JARID2: variants seen among roughly 807,000 people sequenced by gnomAD.
JARID2 encodes jumonji and AT-rich interaction domain containing 2, also known as protein Jumonji.
Under a neutral mutation model 125.6 loss-of-function variants are expected in JARID2, and 21 were observed. The observed-to-expected ratio is 0.17, with a 90% CI of 0.12 to 0.24. The LOEUF is 0.24. Among genes scored for constraint, JARID2 ranks in the 10% least tolerant of loss-of-function variants. JARID2 has a pLI of 1.00. For synonymous variants in JARID2, 736 were observed against 661.6 expected, an observed-to-expected ratio of 1.11 and a Z score of -1.73; for missense variants, 1,303 against 1,639.6, an observed-to-expected ratio of 0.79 and a Z score of 3.55.
Position 15,377,465 on chromosome 6 carries a change from C to T in JARID2, c.181+3213C>T, listed in dbSNP as rs114559231. Reference sequence around the variant, plus strand: ...GGGACACAGCCAAACCATATCACAGCGGATTGACTATAATGGTGGTGGTTT... The same window carrying T: ...GGGACACAGCCAAACCATATCACAGTGGATTGACTATAATGGTGGTGGTTT... On this transcript the variant is annotated intron_variant, in intron 2 of 17. Transcript: ENST00000341776. Among the ~76,000 whole-genome samples, 1,143 of 152,162 alleles carry T rather than the reference C, an allele frequency of 7.5e-3. 15 individuals are homozygous for T. The highest frequency in any genetic ancestry group is 0.026 in the African/African-American group (1,083 of 41,510).
chr6:15,391,754 G>GCA (rs1765018713), intron 2 of JARID2, among the ~76,000 whole-genome samples: 1 of 152,192 alleles, frequency 6.6e-6, no homozygotes, highest in Non-Finnish European at 1.5e-5. Context: ...GTGTCTAGGA[G>GCA]CAAGGCATGC....
intron 4 of JARID2, among the ~76,000 whole-genome samples, chr6:15,455,366 C>A (rs1191325985): frequency 1.6e-4 from 25 of 152,096 alleles, no homozygotes; most frequent in Non-Finnish European, 2.9e-5. Flanking sequence ...CATATCTCAT[C>A]TCAAACATTT....
intron 1 of JARID2, among the ~76,000 whole-genome samples, chr6:15,333,304 A>G (rs749192579): frequency 2.6e-5 from 4 of 152,156 alleles, no homozygotes; most frequent in Non-Finnish European, 5.9e-5. Context: ...CATTACTACT[A>G]TGTAATTGTG....
In JARID2 at chr6:15,522,010, A is replaced by G. The variant is rs1223490989; in HGVS notation, c.*1759A>G. On this transcript the variant is annotated 3_prime_UTR_variant, in exon 18 of 18. Coordinates refer to ENST00000341776, the MANE Select transcript of JARID2 (RefSeq NM_004973.4). ...TACTACAAGGTTTAATAATAAAAAC[A>G]AAGTTTTTTGGACATTTGTCTGTCT... 1 of 152,210 alleles carries G rather than the reference A, an allele frequency of 6.6e-6. No homozygotes were observed. Among genetic ancestry groups the G allele is most frequent in the Non-Finnish European group, 1.5e-5 (1 of 68,020 alleles). 9.4% of individuals were successfully genotyped at this position (152,210 alleles called of 1,614,324 possible).
intron 2 of JARID2, among the ~76,000 whole-genome samples, chr6:15,389,415 T>C (rs1436149894): frequency 6.6e-6 from 1 of 152,242 alleles, no homozygotes; most frequent in East Asian, 1.9e-4. Context: ...TCCCATGTGA[T>C]TGGGGTTTTC....
intron 16 of JARID2, among the ~76,000 whole-genome samples, chr6:15,515,766 AAAAC>A (rs1331227726): frequency 7.9e-5 from 11 of 139,496 alleles, no homozygotes; most frequent in Non-Finnish European, 1.5e-4. Context: ...AAAAAAAACA[AAAAC>A]AAAAACCAGG....
At chr6:15,359,383 TC>T (rs1287988798) in intron 1 of JARID2, among the ~76,000 whole-genome samples, 2 of 152,188 alleles carry the variant, frequency 1.3e-5, no homozygotes, top group Non-Finnish European at 2.9e-5. Flanking sequence ...TCTGGATTCT[TC>T]CTGGATTCAT....
intron 2 of JARID2, among the ~76,000 whole-genome samples, chr6:15,407,449 A>C (rs1765696847): frequency 6.6e-6 from 1 of 151,822 alleles, no homozygotes; most frequent in Non-Finnish European, 1.5e-5. Flanking sequence ...GCTGTCATCA[A>C]AAAGCTTAAC....
intron 1 of JARID2, among the ~76,000 whole-genome samples, chr6:15,273,896 C>T (rs1366714012): frequency 6.6e-6 from 1 of 151,500 alleles, no homozygotes; most frequent in Non-Finnish European, 1.5e-5. Flanking sequence ...TTTTCTTTTC[C>T]CTTCTGCATT....
intron 6 of JARID2, among the ~76,000 whole-genome samples, chr6:15,493,949 A>G (rs1770280189): frequency 6.6e-6 from 1 of 151,976 alleles, no homozygotes; most frequent in Non-Finnish European, 1.5e-5. Context: ...GTTTCGCATT[A>G]TTTATTCCAG....
At chr6:15,311,432 C>T (rs2127427199) in intron 1 of JARID2, among the ~76,000 whole-genome samples, 1 of 152,294 alleles carries the variant, frequency 6.6e-6, no homozygotes, top group South Asian at 2.1e-4. Context: ...ACAAAATTAG[C>T]CAGGCATGGT....
intron 5 of JARID2, among the ~76,000 whole-genome samples, chr6:15,482,853 A>ATG (rs1769688470): frequency 6.6e-6 from 1 of 152,142 alleles, no homozygotes. Flanking sequence ...TGGACCTTTA[A>ATG]CCCATGCACT....
chr6:15,477,208 C>A (rs1769385843), intron 5 of JARID2, among the ~76,000 whole-genome samples: 2 of 152,064 alleles, frequency 1.3e-5, no homozygotes, highest in Admixed American at 6.5e-5. Flanking sequence ...AAAAAGCAAT[C>A]ATTTGGACGA....
chr6:15,388,258 ACCT>A (rs1025563610), intron 2 of JARID2, among the ~76,000 whole-genome samples: 2 of 152,116 alleles, frequency 1.3e-5, no homozygotes, highest in African/African-American at 4.8e-5. Context: ...TTTGGAAATA[ACCT>A]GTTATTACTT....
intron 1 of JARID2, among the ~76,000 whole-genome samples, chr6:15,247,056 A>G (rs1194485436): frequency 6.6e-6 from 1 of 152,198 alleles, no homozygotes; most frequent in East Asian, 1.9e-4. Flanking sequence ...TTCTCTTTGC[A>G]CTGGCACATC....
At chr6:15,468,169 C>CTTTT in intron 4 of JARID2, among the ~76,000 whole-genome samples, 1 of 134,850 alleles carries the variant, frequency 7.4e-6, no homozygotes, top group Admixed American at 7.3e-5. Flanking sequence ...TCTTCTCTGT[C>CTTTT]TTTTTTTTTT....
rs188620879 is a variant in JARID2, at chr6:15,494,620, G to A, written c.907-1512G>A. ...AGACGGGGTTTCACCGTGTTAGCCA[G>A]TATGGTGTCAATCTCCTGACCTTGT... On this transcript the variant is annotated intron_variant, in intron 6 of 17. Transcript: ENST00000341776. Among the ~76,000 whole-genome samples, 23 of 152,240 alleles carry A rather than the reference G, an allele frequency of 1.5e-4. No individual in the cohort carries two copies. In the East Asian group the frequency reaches 3.3e-3, roughly 22 times the overall value.
intron 2 of JARID2, among the ~76,000 whole-genome samples, chr6:15,395,982 G>A (rs1041553802): frequency 1.3e-5 from 2 of 152,146 alleles, no homozygotes; most frequent in Non-Finnish European, 2.9e-5. Context: ...TTAATATACA[G>A]TTTTCCTTTC....
chr6:15,325,186 C>G (rs1414877786), intron 1 of JARID2, among the ~76,000 whole-genome samples: 1 of 151,708 alleles, frequency 6.6e-6, no homozygotes, highest in African/African-American at 2.4e-5. Context: ...TAATCTGTAC[C>G]TTGTACCTGA....
Sources: allele counts gnomAD v4.1 joint callset (sites outside exome capture counted in the v4.1 genomes callset), GRCh38; gene constraint gnomAD v4.1.1; transcripts MANE v1.5; gene names NCBI Gene and HGNC (gene_info 2026-07-23, HGNC 2026-07-21).